Variants in TMEM50B observed in about 807,000 individuals in gnomAD.
TMEM50B encodes transmembrane protein 50B.
In TMEM50B, 14 loss-of-function variants were observed where a neutral mutation model predicts 23.4. The ratio of observed to expected loss-of-function variants is 0.60; its 90% CI spans 0.39 to 0.93. TMEM50B has a LOEUF of 0.93. TMEM50B is among the 40% of genes least tolerant of loss of function. TMEM50B has a pLI of 0.00. For missense variants in TMEM50B, 159 were observed against 193.0 expected, an observed-to-expected ratio of 0.82 and a Z score of 1.04; for synonymous variants, 64 against 62.3, an observed-to-expected ratio of 1.03 and a Z score of -0.13.
intron 7 of TMEM50B, among the ~76,000 whole-genome samples, chr21:33,441,503 G>A (rs1240428143): frequency 6.6e-6 from 1 of 152,212 alleles, no homozygotes; most frequent in African/African-American, 2.4e-5. Flanking sequence ...TCAATAGCAA[G>A]GGGGATGCCA....
At chr21:33,457,879 C>T (rs1044786369) in intron 5 of TMEM50B, among the ~76,000 whole-genome samples, 1 of 152,026 alleles carries the variant, frequency 6.6e-6, no homozygotes, top group Non-Finnish European at 1.5e-5. Flanking sequence ...ACCTAACTTA[C>T]GTAAACGAAC....
intron 1 of TMEM50B, among the ~76,000 whole-genome samples, chr21:33,478,578 C>A (rs531479065): frequency 2.0e-5 from 3 of 152,206 alleles, no homozygotes; most frequent in Middle Eastern, 3.4e-3. Context: ...CTGCTGTAAC[C>A]CTAGTTGACA....
At chr21:33,444,822 A>G (rs1349133819), downstream of TMEM50B, among the ~76,000 whole-genome samples, 2 of 148,250 alleles carry the variant, frequency 1.3e-5, no homozygotes, top group Admixed American at 1.3e-4. Flanking sequence ...AAAAAAAAAG[A>G]AAGAAAAAGA....
At chr21:33,454,548 A>G (rs1183246447) in intron 6 of TMEM50B, among the ~76,000 whole-genome samples, 3 of 152,010 alleles carry the variant, frequency 2.0e-5, no homozygotes, top group African/African-American at 7.2e-5. Context: ...TGATCCACCC[A>G]CTTCAGCCTC....
chr21:33,437,927 G>A lies in TMEM50B; in HGVS notation c.*2120+1287C>T, dbSNP rs191325857. On this transcript the variant is annotated intron_variant and NMD_transcript_variant, in intron 8 of 8. Coordinates refer to the TMEM50B transcript ENST00000420455. Reference sequence around the variant, plus strand: ...TAGCCTGGGAGGCGGAGGTTACCATGAGCCGAAATGATGCCACTGCACTCC... The same window carrying A: ...TAGCCTGGGAGGCGGAGGTTACCATAAGCCGAAATGATGCCACTGCACTCC... 1.5e-3 allele frequency among the ~76,000 whole-genome samples: 220 copies of A among 150,972 alleles called. 1 individual carries two copies. Among genetic ancestry groups the A allele is most frequent in the Non-Finnish European group, 1.8e-3 (119 of 67,862 alleles).
Position 33,460,487 on chromosome 21 carries a change from A to G in TMEM50B, c.299T>C (p.Phe100Ser). 2 of 1,611,240 alleles carry G rather than the reference A, an allele frequency of 1.2e-6. No homozygotes were observed. The highest frequency in any genetic ancestry group is 8.5e-7 in the Non-Finnish European group (1 of 1,179,066). Residue 100 changes from phenylalanine (F) to serine (S), a missense_variant, in exon 5 of 7, where the codon TTC becomes TCC. Coordinates refer to ENST00000542230, the MANE Select transcript of TMEM50B (RefSeq NM_006134.7). ...LGRTGARVWL[F>S]IGFMLMFGSL... ...CCCAAACATCAACATGAAACCAATG[A>G]AAAGCCAAACTCGAGCACCTGTGTA...
downstream of TMEM50B, among the ~76,000 whole-genome samples, chr21:33,446,272 T>C (rs1362273870): frequency 6.6e-6 from 1 of 151,190 alleles, no homozygotes; most frequent in Non-Finnish European, 1.5e-5. Context: ...AGTCTTGCTC[T>C]GTTGCCCACA....
rs771687407 is a variant in TMEM50B at position 33,468,798 on chromosome 21, C to A, written c.88G>T (p.Ala30Ser). The change falls in exon 2 of 7, where the codon GCA becomes TCA. Residue 30 changes from alanine to serine, a missense_variant. Ala to Ser is a moderately conservative substitution (Grantham distance 99, BLOSUM62 1). Transcript: ENST00000542230. ...ERRNAVASVV[A>S]GILFFTGWWI... The stretch of plus-strand genomic sequence containing the variant: ...TCTTTCTCACTTACCAATATACCTG[C>A]GACAACAGATGCCACAGCATTTCTT... The A allele has an allele frequency of 1.2e-6, 2 of 1,613,546 alleles. No homozygotes were observed. Among genetic ancestry groups the A allele is most frequent in the Non-Finnish European group, 1.7e-6 (2 of 1,179,804 alleles).
chr21:33,436,821 CCT>C (rs1373298162), intron 8 of TMEM50B: 2 of 1,613,872 alleles, frequency 1.2e-6, no homozygotes, highest in Non-Finnish European at 1.7e-6. Flanking sequence ...TTTCCAACCT[CCT>C]CAAGTATTTA....
rs149634958 is a variant in TMEM50B at position 33,460,426 on chromosome 21, T to G, written c.360A>C (p.Ala120=). 2 of 1,603,504 alleles carry G rather than the reference T, an allele frequency of 1.2e-6. No homozygotes were observed. The highest frequency in any genetic ancestry group is 4.5e-5 in the East Asian group (2 of 44,782). Residue 120 remains alanine (A), a synonymous_variant, in exon 5 of 7, where the codon GCA becomes GCC. Coordinates refer to ENST00000542230, the MANE Select transcript of TMEM50B (RefSeq NM_006134.7). ...ATATATACTTACTTTGGGTAACATA[T>G]GCACCAAAAAGAATCCACATGGAAG... is the stretch of plus-strand genomic sequence containing the variant. The part of the protein sequence containing the change: ...LIASMWILFG[A]YVTQNTDVYP...
intron 7 of TMEM50B, among the ~76,000 whole-genome samples, chr21:33,440,871 ACT>A (rs1568969707): frequency 6.6e-6 from 1 of 151,804 alleles, no homozygotes; most frequent in Non-Finnish European, 1.5e-5. Flanking sequence ...ACAGAGCAAG[ACT>A]CTGTCTCAAA....
intron 3 of TMEM50B, 101 bp downstream of exon 3, chr21:33,466,909 C>A: frequency 1.2e-6 from 1 of 853,490 alleles, no homozygotes; most frequent in South Asian, 1.8e-5. Flanking sequence ...AAAAAATAGT[C>A]TATCAAATAA....
At chr21:33,444,803 CAAAAAAAA>C (rs60816843), downstream of TMEM50B, among the ~76,000 whole-genome samples, 4 of 96,332 alleles carry the variant, frequency 4.2e-5, no homozygotes, top group East Asian at 9.4e-4. Context: ...CATCTCTTTA[CAAAAAAAA>C]AAAAAAAAAG....
chr21:33,463,959 T>C (rs1372963410), intron 4 of TMEM50B, among the ~76,000 whole-genome samples: 1 of 152,126 alleles, frequency 6.6e-6, no homozygotes, highest in Non-Finnish European at 1.5e-5. Flanking sequence ...GTGAATTTTA[T>C]TATACTTAAA....
At chr21:33,466,431 T>G (rs141615160) in intron 3 of TMEM50B, among the ~76,000 whole-genome samples, 1 of 152,260 alleles carries the variant, frequency 6.6e-6, no homozygotes, top group East Asian at 1.9e-4. Flanking sequence ...AAATCTCTTT[T>G]GAGGCCAATC....
chr21:33,465,557 G>T (rs2084258061), intron 3 of TMEM50B, 148 bp from the exon 4 acceptor site: 8 of 573,646 alleles, frequency 1.4e-5, no homozygotes, highest in Non-Finnish European at 2.3e-5. Context: ...TAATAAAAAT[G>T]CTAGTTGATA....
intron 7 of TMEM50B, among the ~76,000 whole-genome samples, chr21:33,440,364 G>A (rs2083997200): frequency 6.6e-6 from 1 of 152,062 alleles, no homozygotes; most frequent in Non-Finnish European, 1.5e-5. Flanking sequence ...GAGGTGGGCG[G>A]ATCATTTGAG....
intron 6 of TMEM50B, 127 bp from the exon 7 acceptor site, chr21:33,450,990 A>C (rs2084115010): frequency 1.4e-6 from 1 of 724,244 alleles, no homozygotes; most frequent in Non-Finnish European, 2.3e-6. Context: ...TAAATTAGAC[A>C]TCATGGCAGT....
rs572478077 is a variant in TMEM50B at position 33,463,941 on chromosome 21, ATACAT to A, written c.280+1396_280+1400del. Among the ~76,000 whole-genome samples, 31 of 152,298 alleles carry A rather than the reference ATACAT, an allele frequency of 2.0e-4. No individual in the cohort carries two copies. The South Asian group carries it at 6.0e-3, about 30-fold the overall frequency. ...TCAAAAAAAATTAATAAAATAATAA[ATACAT>A]TAGTGAATTTTATTATACTTAAATT... On this transcript the variant is annotated intron_variant, in intron 4 of 6. Coordinates refer to ENST00000542230, the MANE Select transcript of TMEM50B (RefSeq NM_006134.7).
Sources: gnomAD v4.1 joint callset for allele counts (sites outside exome capture counted in the v4.1 genomes callset) on GRCh38, gnomAD v4.1.1 for gene constraint, MANE v1.5 for transcripts, NCBI Gene and HGNC (gene_info 2026-07-23, HGNC 2026-07-21) for gene names.